The following ADCY9 variants were observed in gnomAD, a reference collection of about 807,000 sequenced individuals.
The protein encoded by ADCY9 is adenylate cyclase type 9.
ADCY9 carries 50 observed loss-of-function variants against 101.5 expected under a neutral mutation model. The observed-to-expected ratio is 0.49, with a 90% CI of 0.39 to 0.62. The LOEUF (loss-of-function observed/expected upper bound fraction) is 0.62, where lower values mean the gene tolerates loss of function less well. Ranked by LOEUF, ADCY9 falls within the 20% of genes least tolerant of loss-of-function variation. ADCY9 has a pLI of 0.00. For missense variants in ADCY9, 1,662 were observed against 1,800.4 expected (o/e 0.92, Z 1.39); for synonymous variants, 905 against 769.3 (o/e 1.18, Z -2.92).
chr16:3,961,939 T>C (rs151296527), downstream of ADCY9, among the ~76,000 whole-genome samples: 232 of 151,898 alleles, frequency 1.5e-3, no homozygotes, highest in African/African-American at 5.4e-3. Flanking sequence ...GGCACGAGAA[T>C]TGATTGAACC....
intron 5 of ADCY9, among the ~76,000 whole-genome samples, chr16:3,991,127 G>T (rs545690369): frequency 6.6e-6 from 1 of 152,336 alleles, no homozygotes; most frequent in African/African-American, 2.4e-5. Context: ...GCATTATAGT[G>T]AAGACAGAGG....
chr16:4,097,361 C>T (rs1194253963), intron 2 of ADCY9, among the ~76,000 whole-genome samples: 1 of 150,326 alleles, frequency 6.7e-6, no homozygotes, highest in Non-Finnish European at 1.5e-5. Flanking sequence ...TCCAGCAAAG[C>T]GGTTACTGCC....
At chr16:3,999,043 C>G (rs1245798755) in intron 3 of ADCY9, among the ~76,000 whole-genome samples, 2 of 152,148 alleles carry the variant, frequency 1.3e-5, no homozygotes, top group South Asian at 2.1e-4. Context: ...GTACAGATGC[C>G]TCTGTGAAAT....
chr16:3,961,853 C>A (rs2055940736), downstream of ADCY9, among the ~76,000 whole-genome samples: 1 of 151,946 alleles, frequency 6.6e-6, no homozygotes, highest in Admixed American at 6.6e-5. Flanking sequence ...TGGTGAAACC[C>A]TGTCTCTACT....
intron 2 of ADCY9, among the ~76,000 whole-genome samples, chr16:4,037,205 C>G (rs1597182299): frequency 6.6e-6 from 1 of 152,130 alleles, no homozygotes; most frequent in Non-Finnish European, 1.5e-5. Context: ...GTGGTCCCAA[C>G]TACTCGTGTG....
Position 4,107,550 on chromosome 16 carries a change from CAAAAAAAAA to C in ADCY9, c.1693+6191_1693+6199del, listed in dbSNP as rs61565312. 2.5e-4 allele frequency among the ~76,000 whole-genome samples: 18 copies of C among 72,846 alleles called. 1 individual carries two copies. Among genetic ancestry groups the C allele is most frequent in the East Asian group, 1.8e-3 (3 of 1,628 alleles). The allele number at this position is 72,846 out of a possible 152,430, so 47.8% of individuals were successfully genotyped here. On this transcript the variant is annotated intron_variant, in intron 2 of 10. Transcript: ENST00000294016. ...TGGGTGACACAGCCAGACTCTGTCTCAAAAAAAAAAAAAAAAAAAAAAAAAAAAGAATGC... is the reference window on the plus strand; with the variant it reads ...TGGGTGACACAGCCAGACTCTGTCTCAAAAAAAAAAAAAAAAAAAGAATGC...
intron 2 of ADCY9, among the ~76,000 whole-genome samples, chr16:4,027,892 G>GA (rs1003768581): frequency 3.4e-5 from 5 of 148,368 alleles, no homozygotes; most frequent in African/African-American, 9.9e-5. Context: ...AAAAAAAAAA[G>GA]AAAAAAAACC....
At chr16:3,982,501 T>C (rs2056152381) in intron 7 of ADCY9, 1 of 152,260 alleles carries the variant, frequency 6.6e-6, no homozygotes, top group African/African-American at 2.4e-5. Flanking sequence ...TGCTCAGGAA[T>C]ACAGAGCCGC....
chr16:4,062,950 A>G (rs1257101099), intron 2 of ADCY9, among the ~76,000 whole-genome samples: 2 of 152,192 alleles, frequency 1.3e-5, no homozygotes, highest in African/African-American at 2.4e-5. Flanking sequence ...TTAAACAGAA[A>G]ATCAGCAAGG....
intron 2 of ADCY9, among the ~76,000 whole-genome samples, chr16:4,026,843 G>T (rs535031532): frequency 6.6e-6 from 1 of 152,196 alleles, no homozygotes; most frequent in Non-Finnish European, 1.5e-5. Context: ...CCTGGAGGCA[G>T]GGAACTTAAG....
At chr16:4,022,941 A>T (rs903776703) in intron 2 of ADCY9, among the ~76,000 whole-genome samples, 15 of 152,232 alleles carry the variant, frequency 9.9e-5, no homozygotes, top group African/African-American at 3.6e-4. Flanking sequence ...CCTTACATTG[A>T]CTCTGTCTTA....
chr16:4,089,526 T>C (rs937875737), intron 2 of ADCY9, among the ~76,000 whole-genome samples: 6 of 152,108 alleles, frequency 3.9e-5, no homozygotes, highest in African/African-American at 1.4e-4. Flanking sequence ...GTGGATAATG[T>C]TGCTATGAAC....
chr16:4,033,263 C>T (rs1221570244), intron 2 of ADCY9, among the ~76,000 whole-genome samples: 3 of 152,034 alleles, frequency 2.0e-5, no homozygotes, highest in Non-Finnish European at 4.4e-5. Context: ...ATGACAGAGA[C>T]AAAAAATTTA....
intron 3 of ADCY9, among the ~76,000 whole-genome samples, chr16:4,004,903 C>G (rs983381056): frequency 3.9e-5 from 6 of 152,170 alleles, no homozygotes; most frequent in Non-Finnish European, 8.8e-5. Context: ...AGGAACAGGA[C>G]ACACGTGAAA....
chr16:4,081,826 G>A (rs1300756001), intron 2 of ADCY9, among the ~76,000 whole-genome samples: 6 of 150,860 alleles, frequency 4.0e-5, no homozygotes, highest in Non-Finnish European at 8.9e-5. Flanking sequence ...GGCAGCAGGG[G>A]AGGAGGGCGC....
intron 2 of ADCY9, among the ~76,000 whole-genome samples, chr16:4,020,085 AAAAAG>A (rs1370641730): frequency 2.6e-5 from 4 of 151,218 alleles, no homozygotes; most frequent in Non-Finnish European, 5.9e-5. Context: ...TCAAAAAAAG[AAAAAG>A]AAAAAGAAAA....
intron 2 of ADCY9, among the ~76,000 whole-genome samples, chr16:4,022,587 T>C (rs1157723319): frequency 6.6e-6 from 1 of 151,988 alleles, no homozygotes; most frequent in East Asian, 1.9e-4. Context: ...TACATATTTG[T>C]ATGTGTATAT....
intron 2 of ADCY9, among the ~76,000 whole-genome samples, chr16:4,013,505 G>A (rs2056417630): frequency 6.6e-6 from 1 of 152,182 alleles, no homozygotes; most frequent in Non-Finnish European, 1.5e-5. Context: ...AATGTTTTAA[G>A]ACATGACTTT....
rs562080802 is a variant in ADCY9, at chr16:4,085,231, G to A, written c.1693+28519C>T. Among the ~76,000 whole-genome samples, 168 of 152,196 alleles carry A rather than the reference G, an allele frequency of 1.1e-3. 1 individual carries two copies. The highest frequency in any genetic ancestry group is 3.9e-3 in the African/African-American group (161 of 41,574). On this transcript the variant is annotated intron_variant, in intron 2 of 10. Coordinates refer to ENST00000294016, the MANE Select transcript of ADCY9 (RefSeq NM_001116.4). ...ACAAAAATTAGCGGGGCATGGTGGC[G>A]CATACCTATAATCCCAGCTACTTGG...
Sources: allele counts gnomAD v4.1 joint callset (sites outside exome capture counted in the v4.1 genomes callset), GRCh38; gene constraint gnomAD v4.1.1; transcripts MANE v1.5; gene names NCBI Gene and HGNC (gene_info 2026-07-23, HGNC 2026-07-21).